CADM1: variants seen among roughly 807,000 people sequenced by gnomAD.
CADM1 encodes the protein TSLC-1.
A neutral mutation model predicts 53.1 loss-of-function variants in CADM1; 15 were observed. The observed-to-expected ratio is 0.28, with a 90% CI of 0.19 to 0.44. CADM1 has a LOEUF of 0.44. CADM1 is among the 20% of genes least tolerant of loss of function. The pLI, the probability that CADM1 is intolerant of heterozygous loss-of-function variation, is 1.00. For missense variants in CADM1, 434 were observed against 611.3 expected, an observed-to-expected ratio of 0.71 and a Z score of 3.06; for synonymous variants, 281 against 243.0, an observed-to-expected ratio of 1.16 and a Z score of -1.45.
intron 1 of CADM1, among the ~76,000 whole-genome samples, chr11:115,473,945 C>T (rs1207566724): frequency 6.6e-6 from 1 of 152,062 alleles, no homozygotes; most frequent in Non-Finnish European, 1.5e-5. Flanking sequence ...TCATGAAAGG[C>T]TTATACCCAG....
chr11:115,453,600 G>A (rs1461303736), intron 1 of CADM1, among the ~76,000 whole-genome samples: 1 of 152,128 alleles, frequency 6.6e-6, no homozygotes, highest in Non-Finnish European at 1.5e-5. Flanking sequence ...CCAGGATCAA[G>A]TGATTCTCCT....
intron 9 of CADM1, among the ~76,000 whole-genome samples, chr11:115,196,611 A>AAAT (rs1386945173): frequency 6.7e-6 from 1 of 150,372 alleles, no homozygotes; most frequent in African/African-American, 2.5e-5. Flanking sequence ...AAAAAAAAAA[A>AAAT]AAAAAAAAAT....
At chr11:115,184,686 C>A (rs1939462221) in intron 10 of CADM1, among the ~76,000 whole-genome samples, 1 of 152,214 alleles carries the variant, frequency 6.6e-6, no homozygotes, top group African/African-American at 2.4e-5. Flanking sequence ...CAGCTGCATT[C>A]AATTCTAGCA....
At chr11:115,211,820 T>C (rs1940980109) in intron 7 of CADM1, among the ~76,000 whole-genome samples, 1 of 152,018 alleles carries the variant, frequency 6.6e-6, no homozygotes, top group African/African-American at 2.4e-5. Flanking sequence ...ATTCTAAAAG[T>C]GTTGACATAA....
intron 1 of CADM1, among the ~76,000 whole-genome samples, chr11:115,405,095 G>A (rs1947281214): frequency 6.6e-6 from 1 of 152,002 alleles, no homozygotes. Flanking sequence ...AAGTAGCTTG[G>A]ACTACAGGCA....
chr11:115,265,605 C>T (rs1250387150), intron 1 of CADM1, among the ~76,000 whole-genome samples: 1 of 152,140 alleles, frequency 6.6e-6, no homozygotes, highest in African/African-American at 2.4e-5. Context: ...TTGAATACAC[C>T]TACCTGTGTT....
intron 1 of CADM1, among the ~76,000 whole-genome samples, chr11:115,427,541 G>T (rs1037650874): frequency 4.6e-5 from 7 of 152,152 alleles, no homozygotes; most frequent in African/African-American, 1.4e-4. Flanking sequence ...TGACAGATAA[G>T]ATGATAGATA....
chr11:115,502,629 A>G (rs1304658398), intron 1 of CADM1, among the ~76,000 whole-genome samples: 2 of 152,084 alleles, frequency 1.3e-5, no homozygotes, highest in Non-Finnish European at 2.9e-5. Flanking sequence ...AGTGGCATGG[A>G]GGAAAAAAAC....
intron 1 of CADM1, among the ~76,000 whole-genome samples, chr11:115,502,737 C>T (rs367777920): frequency 6.6e-6 from 1 of 152,156 alleles, no homozygotes; most frequent in African/African-American, 2.4e-5. Flanking sequence ...GCAGCCAACC[C>T]GGCGTCCCCC....
chr11:115,360,753 T>C (rs545673700), intron 1 of CADM1, among the ~76,000 whole-genome samples: 2 of 152,296 alleles, frequency 1.3e-5, no homozygotes, highest in East Asian at 3.9e-4. Context: ...TGGAAGGCAA[T>C]TCACACGTTT....
intron 5 of CADM1, among the ~76,000 whole-genome samples, chr11:115,225,069 T>C (rs1941552370): frequency 6.6e-6 from 1 of 152,200 alleles, no homozygotes; most frequent in African/African-American, 2.4e-5. Flanking sequence ...TATTTTCTGT[T>C]TTAAACATTT....
At chr11:115,328,490 C>A (rs1945018195) in intron 1 of CADM1, among the ~76,000 whole-genome samples, 1 of 151,114 alleles carries the variant, frequency 6.6e-6, no homozygotes. Context: ...TTAGTGCCTA[C>A]CATGCACCAT....
intron 1 of CADM1, among the ~76,000 whole-genome samples, chr11:115,353,099 T>C (rs1945779268): frequency 6.6e-6 from 1 of 152,264 alleles, no homozygotes; most frequent in African/African-American, 2.4e-5. Flanking sequence ...TTTCTATTTA[T>C]GTAATTCTAG....
rs549752745 is a variant in CADM1 at position 115,408,565 on chromosome 11, C to T, written c.124+95706G>A. 1.2e-3 allele frequency among the ~76,000 whole-genome samples: 181 copies of T among 152,286 alleles called. 1 individual carries two copies. The highest frequency in any genetic ancestry group is 2.0e-3 in the Non-Finnish European group (136 of 68,026). On this transcript the variant is annotated intron_variant, in intron 1 of 11. Coordinates refer to ENST00000331581, the MANE Select transcript of CADM1 (RefSeq NM_001301043.2). ...TCACATGACATAGGAAGGATATGCC[C>T]CCATCCCAATCCTGAGAAATCTCAT...
At chr11:115,348,249 A>G (rs889697234) in intron 1 of CADM1, among the ~76,000 whole-genome samples, 3 of 152,204 alleles carry the variant, frequency 2.0e-5, no homozygotes, top group African/African-American at 7.2e-5. Context: ...ACATGATTGA[A>G]AAGATTACTA....
rs1379367228 is a variant in CADM1, at chr11:115,340,643, T to TAC, written c.125-100224_125-100223insGT. On this transcript the variant is annotated intron_variant, in intron 1 of 11. Coordinates refer to ENST00000331581, the MANE Select transcript of CADM1 (RefSeq NM_001301043.2). ...AATAAATATTATATATATATATATATATATATATATATATATTTTTTTTTT... is the reference window on the plus strand; with the variant it reads ...AATAAATATTATATATATATATATATACATATATATATATATATTTTTTTTTT... Among the ~76,000 whole-genome samples, 38 of 33,460 alleles carry TAC rather than the reference T, an allele frequency of 1.1e-3. 1 individual carries two copies. The highest frequency in any genetic ancestry group is 3.7e-3 in the African/African-American group (37 of 10,102). The allele number at this position is 33,460 out of a possible 152,430, so 22.0% of individuals were successfully genotyped here.
At chr11:115,402,072 TAAAA>T (rs576717087) in intron 1 of CADM1, among the ~76,000 whole-genome samples, 1 of 151,918 alleles carries the variant, frequency 6.6e-6, no homozygotes, top group Non-Finnish European at 1.5e-5. Context: ...CCAGAAATAA[TAAAA>T]AATAACTTTG....
chr11:115,268,705 A>G (rs570044592), intron 1 of CADM1, among the ~76,000 whole-genome samples: 16 of 152,346 alleles, frequency 1.1e-4, no homozygotes, highest in African/African-American at 3.6e-4. Context: ...GGTGTTAGCA[A>G]TCACAGGGAT....
At chr11:115,386,637 C>A (rs987369769) in intron 1 of CADM1, among the ~76,000 whole-genome samples, 9 of 152,168 alleles carry the variant, frequency 5.9e-5, no homozygotes, top group African/African-American at 2.2e-4. Flanking sequence ...CAGTTCTACA[C>A]TTCTATTATA....
Sources: gnomAD v4.1 joint callset for allele counts (sites outside exome capture counted in the v4.1 genomes callset) on GRCh38, gnomAD v4.1.1 for gene constraint, MANE v1.5 for transcripts, NCBI Gene and HGNC (gene_info 2026-07-23, HGNC 2026-07-21) for gene names.